Variants in ARID2 observed in about 807,000 individuals in gnomAD.
The protein encoded by ARID2 is AT-rich interaction domain 2, also known as AT-rich interactive domain-containing protein 2.
ARID2 carries 32 observed loss-of-function variants against 184.6 expected under a neutral mutation model. The ratio of observed to expected loss-of-function variants is 0.17; its 90% CI spans 0.13 to 0.23. The LOEUF (loss-of-function observed/expected upper bound fraction) is 0.23, where lower values mean the gene tolerates loss of function less well. Ranked by LOEUF, ARID2 falls within the 10% of genes least tolerant of loss-of-function variation. ARID2 has a pLI of 1.00. For synonymous variants in ARID2, 836 were observed against 772.6 expected, an observed-to-expected ratio of 1.08 and a Z score of -1.36; for missense variants, 1,696 against 2,197.6, an observed-to-expected ratio of 0.77 and a Z score of 4.56.
intron 16 of ARID2, among the ~76,000 whole-genome samples, chr12:45,884,790 C>T (rs1944160974): frequency 6.6e-6 from 1 of 152,094 alleles, no homozygotes; most frequent in Non-Finnish European, 1.5e-5. Context: ...GGAGGCAGGG[C>T]CCATCTTTGT....
At chr12:45,783,319 A>G (rs1942132364) in intron 3 of ARID2, among the ~76,000 whole-genome samples, 1 of 152,238 alleles carries the variant, frequency 6.6e-6, no homozygotes, top group African/African-American at 2.4e-5. Context: ...CAGCAGCACT[A>G]CAGTGAAAAA....
intron 20 of ARID2, among the ~76,000 whole-genome samples, chr12:45,898,464 A>T (rs1944399641): frequency 6.6e-6 from 1 of 152,232 alleles, no homozygotes; most frequent in Non-Finnish European, 1.5e-5. Context: ...CCACAATGGA[A>T]AAAAACTAAA....
rs374940571 is a variant in ARID2 at position 45,898,000 on chromosome 12, G to T, written c.5363+4279G>T. On this transcript the variant is annotated intron_variant, in intron 20 of 20. Transcript: ENST00000334344. ...TTTAGTAGAGACGAGGTCTCACCAT[G>T]TTGTGCAGGGTTGTCTTGAACTTCT... is the stretch of plus-strand genomic sequence containing the variant. 4.6e-5 allele frequency among the ~76,000 whole-genome samples: 7 copies of T among 152,120 alleles called. No homozygotes were observed. In the East Asian group the frequency reaches 1.4e-3, roughly 29 times the overall value.
chr12:45,837,025 A>G (rs1240907228), intron 8 of ARID2, 34 bp downstream of exon 8: 19 of 1,589,180 alleles, frequency 1.2e-5, no homozygotes, highest in Non-Finnish European at 1.6e-5. Context: ...ACTAGTTTTT[A>G]TAGTTAGCAA....
chr12:45,810,448 C>T (rs543578499), intron 3 of ARID2, among the ~76,000 whole-genome samples: 15 of 152,132 alleles, frequency 9.9e-5, no homozygotes, highest in African/African-American at 3.4e-4. Context: ...ATGATCATAC[C>T]TTTCTAATAT....
chr12:45,815,130 G>A (rs577487679), intron 4 of ARID2, among the ~76,000 whole-genome samples: 2 of 152,090 alleles, frequency 1.3e-5, no homozygotes, highest in African/African-American at 4.8e-5. Flanking sequence ...TTAGGACTGC[G>A]ACAGATAAGG....
Position 45,730,125 on chromosome 12 carries a change from C to A in ARID2, c.174C>A (p.Gly58=). The A allele has an allele frequency of 6.2e-7, 1 of 1,612,922 alleles. No homozygotes were observed. Among genetic ancestry groups the A allele is most frequent in the Non-Finnish European group, 8.5e-7 (1 of 1,179,366 alleles). ...TCTACACCAGAGTCACTACTTTAGGCGGATTCGCGAAGGTGAGTGGAAGTT... is the reference window on the plus strand; with the variant it reads ...TCTACACCAGAGTCACTACTTTAGGAGGATTCGCGAAGGTGAGTGGAAGTT... ...HGLYTRVTTL[G]GFAKVSEKNQ... Residue 58 remains glycine, a synonymous_variant, in exon 2 of 21, where the codon GGC becomes GGA. Transcript: ENST00000334344.
intron 6 of ARID2, among the ~76,000 whole-genome samples, chr12:45,825,699 C>T (rs1942982378): frequency 6.6e-6 from 1 of 151,790 alleles, no homozygotes; most frequent in African/African-American, 2.4e-5. Flanking sequence ...CTCGTCTCTA[C>T]AAAGAAAAAA....
chr12:45,843,969 T>C (rs187518830), intron 11 of ARID2, among the ~76,000 whole-genome samples: 1 of 152,304 alleles, frequency 6.6e-6, no homozygotes, highest in Admixed American at 6.5e-5. Context: ...AACAGTTGAA[T>C]TTGCCATGAG....
chr12:45,824,226 GTTTC>G (rs1942953136), intron 6 of ARID2, among the ~76,000 whole-genome samples: 1 of 152,060 alleles, frequency 6.6e-6, no homozygotes, highest in Non-Finnish European at 1.5e-5. Flanking sequence ...TTTGAGGTAT[GTTTC>G]TTCTATGCCT....
intron 3 of ARID2, among the ~76,000 whole-genome samples, chr12:45,760,798 T>C (rs1941662685): frequency 6.6e-6 from 1 of 152,296 alleles, no homozygotes; most frequent in African/African-American, 2.4e-5. Context: ...TTTATTTTTT[T>C]CAGCTTTGCT....
Position 45,905,138 on chromosome 12 carries a change from C to T in ARID2, c.*60C>T, listed in dbSNP as rs909670557. Reference sequence around the variant, plus strand: ...GTCAGCCACATTTCACATACTGTTACTGAAGAAAGCACCAAGTCTTAATGG... The same window carrying T: ...GTCAGCCACATTTCACATACTGTTATTGAAGAAAGCACCAAGTCTTAATGG... On this transcript the variant is annotated 3_prime_UTR_variant, in exon 21 of 21. Coordinates refer to ENST00000334344, the MANE Select transcript of ARID2 (RefSeq NM_152641.4). 2.0e-6 allele frequency: 3 copies of T among 1,536,668 alleles called. No homozygotes were observed. Among genetic ancestry groups the T allele is most frequent in the Admixed American group, 1.9e-5 (1 of 53,016 alleles).
At chr12:45,811,350 G>T (rs2138082087) in intron 3 of ARID2, 68 bp from the exon 4 acceptor site, 1 of 1,459,122 alleles carries the variant, frequency 6.9e-7, no homozygotes. Flanking sequence ...AAACAAATAT[G>T]TGGTGAGAGT....
chr12:45,858,400 T>A (rs769881427), intron 15 of ARID2, among the ~76,000 whole-genome samples: 1 of 152,174 alleles, frequency 6.6e-6, no homozygotes, highest in South Asian at 2.1e-4. Context: ...TTTTATACTT[T>A]CCTTGCTCTT....
At chr12:45,844,228 C>G (rs1943403720) in intron 11 of ARID2, among the ~76,000 whole-genome samples, 1 of 152,002 alleles carries the variant, frequency 6.6e-6, no homozygotes, top group Non-Finnish European at 1.5e-5. Flanking sequence ...CTATGTTGCC[C>G]AGGCAGTCTC....
intron 16 of ARID2, among the ~76,000 whole-genome samples, chr12:45,863,884 A>G (rs371138789): frequency 6.4e-5 from 8 of 125,342 alleles, no homozygotes; most frequent in Non-Finnish European, 1.3e-4. Context: ...CAGTCTCACT[A>G]TGTCACCCAG....
chr12:45,783,219 G>A (rs1942130881), intron 3 of ARID2, among the ~76,000 whole-genome samples: 1 of 151,920 alleles, frequency 6.6e-6, no homozygotes, highest in South Asian at 2.1e-4. Flanking sequence ...GATTAATTTT[G>A]TAATAAAATC....
chr12:45,805,916 T>C (rs1027587266), intron 3 of ARID2, among the ~76,000 whole-genome samples: 5 of 152,170 alleles, frequency 3.3e-5, no homozygotes, highest in Non-Finnish European at 7.4e-5. Flanking sequence ...CTTTTTCCCC[T>C]ACCACTTTCC....
intron 3 of ARID2, among the ~76,000 whole-genome samples, chr12:45,743,260 T>C (rs1309295201): frequency 6.6e-6 from 1 of 151,118 alleles, no homozygotes; most frequent in East Asian, 1.9e-4. Context: ...TCCCAGCTAC[T>C]CGGGAGGCTG....
Sources: gnomAD v4.1 joint callset for allele counts (sites outside exome capture counted in the v4.1 genomes callset) on GRCh38, gnomAD v4.1.1 for gene constraint, MANE v1.5 for transcripts, NCBI Gene and HGNC (gene_info 2026-07-23, HGNC 2026-07-21) for gene names.